OSBPL10: variants seen among roughly 807,000 people sequenced by gnomAD.
OSBPL10 encodes oxysterol-binding protein-related protein 10.
OSBPL10 carries 49 observed loss-of-function variants against 81.7 expected under a neutral mutation model. The observed-to-expected ratio is 0.60, with a 90% CI of 0.48 to 0.76. The LOEUF is 0.76. Among genes scored for constraint, OSBPL10 ranks in the 30% least tolerant of loss-of-function variants. The pLI is 0.00. For synonymous variants in OSBPL10, 419 were observed against 383.6 expected (o/e 1.09, Z -1.08); for missense variants, 923 against 987.8 (o/e 0.93, Z 0.88).
intron 6 of OSBPL10, chr3:31,710,633 A>C (rs1037903916): frequency 1.3e-5 from 2 of 152,278 alleles, no homozygotes; most frequent in Non-Finnish European, 2.9e-5. Flanking sequence ...ACAAAGCAGC[A>C]AGTGCAGTGA....
chr3:31,951,529 T>C (rs1343938995), intron 1 of OSBPL10, among the ~76,000 whole-genome samples: 1 of 151,984 alleles, frequency 6.6e-6, no homozygotes, highest in African/African-American at 2.4e-5. Context: ...TATATTATCC[T>C]TCCTAGAGTG....
chr3:31,688,408 T>A (rs535197464), intron 7 of OSBPL10, among the ~76,000 whole-genome samples: 14 of 152,196 alleles, frequency 9.2e-5, no homozygotes, highest in South Asian at 2.1e-4. Flanking sequence ...GAAGCTTTTT[T>A]TGACAGTTCC....
At chr3:31,663,788 G>A (rs3792554) in intron 11 of OSBPL10, 507,972 of 1,325,314 alleles carry the variant, frequency 0.38, 107,997 homozygotes, top group African/African-American at 0.86. Flanking sequence ...CCAGTCTGCA[G>A]TCCCATCGCG....
chr3:31,945,430 C>T (rs768802806), intron 1 of OSBPL10, among the ~76,000 whole-genome samples: 8 of 152,196 alleles, frequency 5.3e-5, no homozygotes, highest in Non-Finnish European at 8.8e-5. Flanking sequence ...AGCCCTCAAG[C>T]CCACTTGCTT....
chr3:31,989,493 C>T lies in OSBPL10; in HGVS notation n.298+56998G>A, dbSNP rs115832100. 1.6e-3 allele frequency: 2,598 copies of T among 1,614,094 alleles called. 2 individuals carry two copies. The highest frequency in any genetic ancestry group is 2.0e-3 in the Non-Finnish European group (2,320 of 1,180,010). On this transcript the variant is annotated intron_variant and non_coding_transcript_variant, in intron 2 of 3. Transcript: ENST00000479173. The stretch of plus-strand genomic sequence containing the variant: ...AAATCAAAAAGTTGACTGGTAGCAC[C>T]GACAGATATGATCGAAGGCATCCTG...
intron 4 of OSBPL10, among the ~76,000 whole-genome samples, chr3:31,783,849 TA>T (rs1698788998): frequency 9.4e-6 from 1 of 106,744 alleles, no homozygotes; most frequent in Non-Finnish European, 1.9e-5. Flanking sequence ...TATATATATA[TA>T]TATATATATG....
At position 31,733,422 on chromosome 3, in the gene OSBPL10, G is replaced by C; in HGVS notation, c.941-11C>G. 1 of 1,614,116 alleles carries C rather than the reference G, an allele frequency of 6.2e-7. No homozygotes were observed. Among genetic ancestry groups the C allele is most frequent in the Non-Finnish European group, 8.5e-7 (1 of 1,179,986 alleles). ...ATCCCAGGATGTTTTCTGAAATAAAGACCTAGAATGATGCCAAGTATTTTC... is the reference window on the plus strand; with the variant it reads ...ATCCCAGGATGTTTTCTGAAATAAACACCTAGAATGATGCCAAGTATTTTC... On this transcript the variant is annotated splice_polypyrimidine_tract_variant and intron_variant, in intron 5 of 11. Transcript: ENST00000396556.
At chr3:31,754,548 A>T in intron 4 of OSBPL10, among the ~76,000 whole-genome samples, 1 of 152,182 alleles carries the variant, frequency 6.6e-6, no homozygotes, top group Non-Finnish European at 1.5e-5. Context: ...AAACCAAAGG[A>T]AACAAACAAA....
intron 4 of OSBPL10, among the ~76,000 whole-genome samples, chr3:31,817,652 G>A (rs1227893145): frequency 1.3e-5 from 2 of 152,306 alleles, no homozygotes; most frequent in East Asian, 3.9e-4. Context: ...TTGGGCAGCT[G>A]TGGCCCCGCC....
intron 4 of OSBPL10, among the ~76,000 whole-genome samples, chr3:31,810,697 A>G (rs143309133): frequency 2.6e-5 from 4 of 152,348 alleles, no homozygotes; most frequent in African/African-American, 9.6e-5. Context: ...GTGATGCTCA[A>G]TCTCACTTAA....
intron 4 of OSBPL10, among the ~76,000 whole-genome samples, chr3:31,774,895 G>C (rs1218535321): frequency 6.6e-6 from 1 of 151,516 alleles, no homozygotes; most frequent in Non-Finnish European, 1.5e-5. Context: ...AGCTGAGTGT[G>C]GTGGCTCATG....
chr3:31,713,066 A>G (rs1696316220), intron 6 of OSBPL10, among the ~76,000 whole-genome samples: 1 of 152,220 alleles, frequency 6.6e-6, no homozygotes, highest in South Asian at 2.1e-4. Flanking sequence ...CTTCCCAGTC[A>G]GTCTCCTCAC....
intron 3 of OSBPL10, among the ~76,000 whole-genome samples, chr3:31,855,903 C>CA (rs1700899143): frequency 6.6e-6 from 1 of 151,388 alleles, no homozygotes; most frequent in Non-Finnish European, 1.5e-5. Context: ...AGGTTCTAGG[C>CA]AAAAAAACAG....
At chr3:31,770,652 GGT>G (rs1698354288) in intron 4 of OSBPL10, among the ~76,000 whole-genome samples, 1 of 152,142 alleles carries the variant, frequency 6.6e-6, no homozygotes, top group African/African-American at 2.4e-5. Context: ...CGGGCATGGA[GGT>G]GCATGCCTGT....
chr3:32,030,282 G>A (rs1699455489), intron 2 of OSBPL10: 3 of 404,016 alleles, frequency 7.4e-6, no homozygotes, highest in African/African-American at 2.1e-5. Context: ...CTTTGGCCAC[G>A]TGTATGCGAA....
intron 11 of OSBPL10, 199 bp downstream of exon 11, chr3:31,663,880 G>T: frequency 6.9e-7 from 1 of 1,456,118 alleles, no homozygotes; most frequent in Non-Finnish European, 9.0e-7. Context: ...CTGCCCTCCA[G>T]AAGGTTTCAT....
chr3:31,710,125 T>C (rs965044347), intron 6 of OSBPL10, among the ~76,000 whole-genome samples: 4 of 152,126 alleles, frequency 2.6e-5, no homozygotes, highest in African/African-American at 9.7e-5. Context: ...TGGCTGCAGA[T>C]AGTCCTGGAG....
chr3:31,848,301 G>C (rs1023321104), intron 3 of OSBPL10, among the ~76,000 whole-genome samples: 1 of 151,186 alleles, frequency 6.6e-6, no homozygotes, highest in Non-Finnish European at 1.5e-5. Context: ...CTCTCTGCTT[G>C]TCCTAGAAGA....
At chr3:31,669,881 G>A (rs1258382429) in intron 9 of OSBPL10, among the ~76,000 whole-genome samples, 1 of 152,214 alleles carries the variant, frequency 6.6e-6, no homozygotes, top group African/African-American at 2.4e-5. Flanking sequence ...CAGTTCTTAG[G>A]TAGCAATGCA....
Sources: allele counts gnomAD v4.1 joint callset (sites outside exome capture counted in the v4.1 genomes callset), GRCh38; gene constraint gnomAD v4.1.1; transcripts MANE v1.5; gene names NCBI Gene and HGNC (gene_info 2026-07-23, HGNC 2026-07-21).